NBAS: variants seen among roughly 807,000 people sequenced by gnomAD.
NBAS encodes NBAS subunit of NRZ tethering complex.
In NBAS, 219 loss-of-function variants were observed where a neutral mutation model predicts 302.5. The ratio of observed to expected loss-of-function variants is 0.72; its 90% CI spans 0.65 to 0.81. NBAS has a LOEUF of 0.81. Ranked by LOEUF, NBAS falls within the 30% of genes least tolerant of loss-of-function variation. NBAS has a pLI of 0.00. For missense variants in NBAS, 2,932 were observed against 2,841.6 expected, an observed-to-expected ratio of 1.03 and a Z score of -0.72; for synonymous variants, 1,118 against 1,021.6, an observed-to-expected ratio of 1.09 and a Z score of -1.80.
intron 48 of NBAS, among the ~76,000 whole-genome samples, chr2:15,190,688 G>A (rs1034259630): frequency 2.6e-5 from 4 of 152,106 alleles, no homozygotes; most frequent in East Asian, 1.9e-4. Flanking sequence ...TTTAATACAC[G>A]TTAAGAGACT....
At chr2:15,100,520 G>A in the NBAS span, among the ~76,000 whole-genome samples, 1 of 152,178 alleles carries the variant, frequency 6.6e-6, no homozygotes. Context: ...TTAATGATAA[G>A]TGGTTTGATC....
intron 21 of NBAS, among the ~76,000 whole-genome samples, chr2:15,438,652 G>A (rs1401561046): frequency 1.3e-5 from 2 of 152,188 alleles, no homozygotes; most frequent in Non-Finnish European, 2.9e-5. Context: ...GCATAAAAAG[G>A]GAACTCTAAA....
intron 9 of NBAS, among the ~76,000 whole-genome samples, chr2:15,532,784 C>T (rs775642511): frequency 5.9e-5 from 9 of 151,750 alleles, no homozygotes; most frequent in Non-Finnish European, 1.0e-4. Context: ...AAACTAAACA[C>T]TTGAAATTAT....
downstream of NBAS, among the ~76,000 whole-genome samples, chr2:15,163,213 G>A (rs1186854471): frequency 6.6e-6 from 1 of 152,238 alleles, no homozygotes; most frequent in Non-Finnish European, 1.5e-5. Context: ...ATAGGGCGAA[G>A]AGAAGTGGAG....
intron 40 of NBAS, among the ~76,000 whole-genome samples, chr2:15,307,452 G>T (rs1671080341): frequency 6.6e-6 from 1 of 152,180 alleles, no homozygotes. Flanking sequence ...GTTGGGAAAG[G>T]AAGAATCCTG....
the NBAS span, among the ~76,000 whole-genome samples, chr2:14,912,702 T>TA: frequency 7.5e-4 from 76 of 101,270 alleles, no homozygotes; most frequent in African/African-American, 2.6e-3. Context: ...GCATTCATTT[T>TA]TAAAAAAAAA....
intron 11 of NBAS, among the ~76,000 whole-genome samples, chr2:15,493,361 A>G (rs1167707309): frequency 6.6e-6 from 1 of 152,182 alleles, no homozygotes; most frequent in East Asian, 1.9e-4. Context: ...AAAAGCAACT[A>G]CATATCACAA....
At chr2:15,296,243 T>C (rs1016976693) in intron 40 of NBAS, among the ~76,000 whole-genome samples, 11 of 152,120 alleles carry the variant, frequency 7.2e-5, no homozygotes, top group Admixed American at 6.5e-5. Flanking sequence ...TGTATAAGAA[T>C]TTTATCATTA....
At chr2:15,161,968 A>G (rs1308528819), downstream of NBAS, among the ~76,000 whole-genome samples, 3 of 152,160 alleles carry the variant, frequency 2.0e-5, no homozygotes, top group East Asian at 5.8e-4. Context: ...CCTATAGTCT[A>G]CCTTCCCTCA....
At chr2:14,993,031 T>G in the NBAS span, among the ~76,000 whole-genome samples, 1 of 152,226 alleles carries the variant, frequency 6.6e-6, no homozygotes, top group Non-Finnish European at 1.5e-5. Context: ...AAACTGTTCC[T>G]GATTTCTGAG....
chr2:14,949,202 T>C, the NBAS span, among the ~76,000 whole-genome samples: 2 of 152,000 alleles, frequency 1.3e-5, no homozygotes, highest in Non-Finnish European at 2.9e-5. Flanking sequence ...TTGTGTAAGA[T>C]CTCAAAAGCA....
chr2:15,507,963 T>A (rs960297274), intron 10 of NBAS, among the ~76,000 whole-genome samples: 2 of 146,614 alleles, frequency 1.4e-5, no homozygotes, highest in African/African-American at 5.1e-5. Context: ...TTTCAGTCAA[T>A]ACCTACACCA....
rs1677007628 is a variant in NBAS, at chr2:15,417,593, T to C, written c.2697A>G (p.Val899=). ...ETLVYEARCD[V]TLTLKELQQM... ...GCTGGAGTTCTTTCAGGGTTAGAGT[T>C]ACATCACACCTGGCTTCATAAACCA... is the stretch of plus-strand genomic sequence containing the variant. Residue 899 remains valine, a synonymous_variant, in exon 24 of 52, where the codon GTA becomes GTG. Coordinates refer to ENST00000281513, the MANE Select transcript of NBAS (RefSeq NM_015909.4). 1 of 1,613,994 alleles carries C rather than the reference T, an allele frequency of 6.2e-7. No individual in the cohort carries two copies. Among genetic ancestry groups the C allele is most frequent in the South Asian group, 1.1e-5 (1 of 91,064 alleles).
intron 42 of NBAS, among the ~76,000 whole-genome samples, chr2:15,284,258 A>C (rs1331345480): frequency 6.6e-6 from 1 of 152,204 alleles, no homozygotes; most frequent in African/African-American, 2.4e-5. Flanking sequence ...TCCATTAATG[A>C]AGCTGTGATC....
chr2:15,430,838 G>A (rs529723928), intron 21 of NBAS, among the ~76,000 whole-genome samples: 4 of 151,794 alleles, frequency 2.6e-5, no homozygotes, highest in South Asian at 2.1e-4. Flanking sequence ...ATGGAGTCTC[G>A]CTCGGTCGCC....
At chr2:15,329,282 G>C (rs145555758) in intron 36 of NBAS, among the ~76,000 whole-genome samples, 1 of 152,010 alleles carries the variant, frequency 6.6e-6, no homozygotes, top group African/African-American at 2.4e-5. Context: ...CTCACTAAAC[G>C]GCATCTTCAT....
chr2:15,097,389 G>A, the NBAS span, among the ~76,000 whole-genome samples: 1 of 152,124 alleles, frequency 6.6e-6, no homozygotes, highest in African/African-American at 2.4e-5. Context: ...AAGTCATGAG[G>A]AGTGAAGAAT....
At chr2:15,248,998 C>G (rs1206452312) in intron 44 of NBAS, among the ~76,000 whole-genome samples, 1 of 151,918 alleles carries the variant, frequency 6.6e-6, no homozygotes, top group African/African-American at 2.4e-5. Flanking sequence ...GCCAGAGACA[C>G]AACAACAACA....
chr2:14,952,002 G>A, the NBAS span, among the ~76,000 whole-genome samples: 7 of 152,186 alleles, frequency 4.6e-5, no homozygotes, highest in African/African-American at 1.4e-4. Context: ...GTGAAAAGCT[G>A]ATTAAATATT....
Sources: gnomAD v4.1 joint callset for allele counts (sites outside exome capture counted in the v4.1 genomes callset) on GRCh38, gnomAD v4.1.1 for gene constraint, MANE v1.5 for transcripts, NCBI Gene and HGNC (gene_info 2026-07-23, HGNC 2026-07-21) for gene names.